The following ANGPT2 variants were observed in gnomAD, a reference collection of about 807,000 sequenced individuals.
ANGPT2 encodes the protein angiopoietin 2, also known as angiopoietin-2.
A neutral mutation model predicts 62.9 loss-of-function variants in ANGPT2; 28 were observed. The observed-to-expected ratio is 0.44, with a 90% CI of 0.33 to 0.61. The LOEUF (loss-of-function observed/expected upper bound fraction) is 0.61, where lower values mean the gene tolerates loss of function less well. Among genes scored for constraint, ANGPT2 ranks in the 20% least tolerant of loss-of-function variants. The pLI is 0.03. For missense variants in ANGPT2, 727 were observed against 594.9 expected (o/e 1.22, Z -2.31); for synonymous variants, 284 against 207.8 (o/e 1.37, Z -3.15).
intron 5 of ANGPT2, among the ~76,000 whole-genome samples, chr8:6,518,188 A>G (rs1369284629): frequency 6.6e-6 from 1 of 152,202 alleles, no homozygotes; most frequent in African/African-American, 2.4e-5. Context: ...GTCCCTCTGC[A>G]TCGGTGTCCA....
intron 1 of ANGPT2, among the ~76,000 whole-genome samples, chr8:6,551,411 G>A (rs1365337313): frequency 6.6e-6 from 1 of 152,192 alleles, no homozygotes; most frequent in Non-Finnish European, 1.5e-5. Context: ...TGTATTAAAA[G>A]TTGTCCAATT....
At chr8:6,517,753 A>C (rs1485623149) in intron 5 of ANGPT2, among the ~76,000 whole-genome samples, 1 of 152,170 alleles carries the variant, frequency 6.6e-6, no homozygotes, top group Admixed American at 6.5e-5. Flanking sequence ...AGCTCTCAGA[A>C]AGGTTAAATG....
chr8:6,506,358 T>C (rs1331054852), intron 8 of ANGPT2, among the ~76,000 whole-genome samples: 1 of 152,148 alleles, frequency 6.6e-6, no homozygotes, highest in Non-Finnish European at 1.5e-5. Context: ...CTCCACTTTC[T>C]CTCTTGGGCT....
intron 1 of ANGPT2, among the ~76,000 whole-genome samples, chr8:6,546,961 G>T (rs1822699899): frequency 6.6e-6 from 1 of 152,188 alleles, no homozygotes; most frequent in African/African-American, 2.4e-5. Context: ...CAAGCTGGCT[G>T]GTTAGTCCTG....
intron 3 of ANGPT2, among the ~76,000 whole-genome samples, chr8:6,525,247 T>G (rs1019004331): frequency 2.6e-5 from 4 of 152,202 alleles, no homozygotes; most frequent in Non-Finnish European, 4.4e-5. Context: ...TCCAGCCCCC[T>G]GATCGTTGTA....
chr8:6,539,854 T>C (rs1055743541), intron 1 of ANGPT2, among the ~76,000 whole-genome samples: 3 of 152,228 alleles, frequency 2.0e-5, no homozygotes, highest in Non-Finnish European at 2.9e-5. Flanking sequence ...CCCAAAGTGC[T>C]AGGATTACAG....
intron 2 of ANGPT2, among the ~76,000 whole-genome samples, 174 bp downstream of exon 2, chr8:6,532,158 T>G (rs1819643805): frequency 6.6e-6 from 1 of 152,216 alleles, no homozygotes; most frequent in African/African-American, 2.4e-5. Context: ...ACAGATTTAC[T>G]GATTTTTAAT....
intron 3 of ANGPT2, among the ~76,000 whole-genome samples, chr8:6,522,247 C>G (rs1201991840): frequency 6.6e-6 from 1 of 152,048 alleles, no homozygotes; most frequent in Non-Finnish European, 1.5e-5. Context: ...CACAGCTACT[C>G]TGGAGGCTGA....
At chr8:6,514,838 A>C in intron 5 of ANGPT2, 60 bp from the exon 6 acceptor site, 1 of 1,434,610 alleles carries the variant, frequency 7.0e-7, no homozygotes, top group Non-Finnish European at 9.8e-7. Context: ...CTTACGTAGC[A>C]GAAGCAGGAG....
At chr8:6,550,463 C>T (rs1221245724) in intron 1 of ANGPT2, among the ~76,000 whole-genome samples, 1 of 152,242 alleles carries the variant, frequency 6.6e-6, no homozygotes. Flanking sequence ...CCAGCGCGTC[C>T]TCACCTCCCC....
intron 3 of ANGPT2, among the ~76,000 whole-genome samples, chr8:6,524,171 G>T (rs1046701734): frequency 1.3e-5 from 2 of 152,112 alleles, no homozygotes; most frequent in Non-Finnish European, 2.9e-5. Context: ...GCAGAGTTTT[G>T]TTTTAAAGGA....
chr8:6,559,414 A>G (rs1393580672), intron 1 of ANGPT2, among the ~76,000 whole-genome samples: 1 of 152,198 alleles, frequency 6.6e-6, no homozygotes, highest in Non-Finnish European at 1.5e-5. Context: ...CTCATATATT[A>G]TTAAAAAGAT....
Position 6,538,983 on chromosome 8 carries a change from A to G in ANGPT2, c.289-6496T>C, listed in dbSNP as rs184987023. Among the ~76,000 whole-genome samples, 113 of 152,266 alleles carry G rather than the reference A, an allele frequency of 7.4e-4. No individual in the cohort carries two copies. In the South Asian group the frequency reaches 0.016, roughly 21 times the overall value. ...ACATCATTTGAGGTCTCCAGACAGA[A>G]AAGTGGCAAAACTGGGCTCTCCTCC... On this transcript the variant is annotated intron_variant, in intron 1 of 8. Transcript: ENST00000629816.
At chr8:6,556,155 T>A (rs753170789) in intron 1 of ANGPT2, among the ~76,000 whole-genome samples, 2 of 152,174 alleles carry the variant, frequency 1.3e-5, no homozygotes, top group African/African-American at 2.4e-5. Context: ...CTTTTTTTTT[T>A]ATTTTTAATA....
At chr8:6,505,345 T>C (rs1813259812) in intron 8 of ANGPT2, among the ~76,000 whole-genome samples, 1 of 46,552 alleles carries the variant, frequency 2.1e-5, no homozygotes, top group Non-Finnish European at 4.6e-5. Context: ...AAAGAATATA[T>C]ATATTCTTTC....
At chr8:6,543,216 A>G (rs1234880558) in intron 1 of ANGPT2, among the ~76,000 whole-genome samples, 3 of 152,216 alleles carry the variant, frequency 2.0e-5, no homozygotes, top group Admixed American at 6.5e-5. Flanking sequence ...AAGATGCTCA[A>G]AATACACAGG....
chr8:6,527,131 G>A (rs947147430), intron 3 of ANGPT2, among the ~76,000 whole-genome samples: 2 of 152,210 alleles, frequency 1.3e-5, no homozygotes, highest in African/African-American at 4.8e-5. Flanking sequence ...TGGGCCAGTG[G>A]TTCTTTCACT....
chr8:6,503,070 T>C lies in ANGPT2; in HGVS notation c.*31A>G. The C allele has an allele frequency of 3.7e-6, 6 of 1,613,106 alleles. No homozygotes were observed. Among genetic ancestry groups the C allele is most frequent in the Non-Finnish European group, 5.1e-6 (6 of 1,179,478 alleles). Reference sequence around the variant, plus strand: ...CTGGGCTTAAGTCTTTGAAAATAGTTCGAGACAGTTCCTCAGGTGGACTGG... The same window carrying C: ...CTGGGCTTAAGTCTTTGAAAATAGTCCGAGACAGTTCCTCAGGTGGACTGG... On this transcript the variant is annotated 3_prime_UTR_variant, in exon 9 of 9. Transcript: ENST00000629816.
intron 1 of ANGPT2, among the ~76,000 whole-genome samples, chr8:6,534,886 C>G (rs1428468845): frequency 1.3e-5 from 2 of 152,122 alleles, no homozygotes; most frequent in African/African-American, 4.8e-5. Context: ...AATAGCAGTT[C>G]GTAATTCTCC....
Sources: allele counts gnomAD v4.1 joint callset (sites outside exome capture counted in the v4.1 genomes callset), GRCh38; gene constraint gnomAD v4.1.1; transcripts MANE v1.5; gene names NCBI Gene and HGNC (gene_info 2026-07-23, HGNC 2026-07-21).